KLHL7: variants seen among roughly 807,000 people sequenced by gnomAD.
KLHL7 encodes kelch-like protein 7.
KLHL7 carries 44 observed loss-of-function variants against 67.4 expected under a neutral mutation model. That is an observed-to-expected ratio of 0.65 (90% confidence interval 0.51 to 0.84). The LOEUF (loss-of-function observed/expected upper bound fraction) is 0.84. Among genes scored for constraint, KLHL7 ranks in the 40% least tolerant of loss-of-function variants. The pLI, the probability that KLHL7 is intolerant of heterozygous loss-of-function variation, is 0.00. For synonymous variants in KLHL7, 252 were observed against 243.3 expected, an observed-to-expected ratio of 1.04 and a Z score of -0.33; for missense variants, 362 against 718.1, an observed-to-expected ratio of 0.50 and a Z score of 5.67.
intron 1 of KLHL7, among the ~76,000 whole-genome samples, chr7:23,121,680 C>CTT (rs72158823): frequency 0.021 from 2,781 of 134,198 alleles, 82 homozygotes; most frequent in African/African-American, 0.065. Flanking sequence ...CAGTCCCATC[C>CTT]TTTTTTTTTT....
chr7:23,176,058 A>G lies in KLHL7; in HGVS notation c.*1760A>G, dbSNP rs1438296133. 1.3e-5 allele frequency: 2 copies of G among 152,154 alleles called. No homozygotes were observed. Among genetic ancestry groups the G allele is most frequent in the Non-Finnish European group, 2.9e-5 (2 of 68,104 alleles). The allele number at this position is 152,154 out of a possible 1,614,324, so 9.4% of individuals were successfully genotyped here. On this transcript the variant is annotated 3_prime_UTR_variant, in exon 11 of 11. Coordinates refer to ENST00000339077, the MANE Select transcript of KLHL7 (RefSeq NM_001031710.3). ...ATTTTAGAACATTTTCATCACCCCA[A>G]AAAGAAACCTTGTACTGATTAGCAA... is the stretch of plus-strand genomic sequence containing the variant.
In KLHL7 at chr7:23,143,956, T is replaced by A; in HGVS notation, c.724T>A (p.Phe242Ile). Residue 242 changes from phenylalanine (F) to isoleucine (I), a missense_variant, in exon 6 of 11, where the codon TTC becomes ATC. Phe to Ile is a conservative substitution (Grantham distance 21, BLOSUM62 0). Around this residue, in one of 5 missense-constraint regions of KLHL7, gnomAD observed 155 missense variants for 280.8 expected, o/e 0.55. Transcript: ENST00000339077. The part of the protein sequence containing the change: ...KVRFPLISKN[F>I]LSKTVQAEPL... ...CAGGTTTCCTCTTATATCAAAGAAT[T>A]TCTTAAGTAAAACGGTACAAGCTGA... The A allele has an allele frequency of 6.2e-7, 1 of 1,614,078 alleles. No homozygotes were observed. Among genetic ancestry groups the A allele is most frequent in the Non-Finnish European group, 8.5e-7 (1 of 1,179,936 alleles).
intron 8 of KLHL7, 124 bp downstream of exon 8, chr7:23,166,062 G>T (rs1000705434): frequency 1.7e-6 from 2 of 1,149,686 alleles, no homozygotes; most frequent in South Asian, 1.3e-5. Flanking sequence ...TTAAATATGT[G>T]TTTGTCACAT....
intron 1 of KLHL7, among the ~76,000 whole-genome samples, chr7:23,109,284 TA>T (rs1170627809): frequency 2.6e-5 from 4 of 152,232 alleles, no homozygotes; most frequent in Non-Finnish European, 4.4e-5. Flanking sequence ...CCTTTTCATT[TA>T]TTTCTTTAAC....
chr7:23,154,439 TCTG>T (rs1427401334), intron 7 of KLHL7, among the ~76,000 whole-genome samples: 1 of 152,204 alleles, frequency 6.6e-6, no homozygotes, highest in Non-Finnish European at 1.5e-5. Context: ...TTTGCCAACC[TCTG>T]CTCTAGACCT....
intron 9 of KLHL7, among the ~76,000 whole-genome samples, chr7:23,172,624 CTTCTT>C (rs1044877448): frequency 2.6e-5 from 4 of 152,216 alleles, no homozygotes; most frequent in African/African-American, 4.8e-5. Context: ...GCATCTTCCT[CTTCTT>C]TTTTGTTCCC....
At chr7:23,125,755 T>G in intron 4 of KLHL7, 1 of 1,488,818 alleles carries the variant, frequency 6.7e-7, no homozygotes, top group Non-Finnish European at 8.9e-7. Context: ...TTCTATTTTG[T>G]GATAGGAGAA....
intron 2 of KLHL7, among the ~76,000 whole-genome samples, chr7:23,124,292 G>A (rs912808504): frequency 2.0e-5 from 3 of 148,690 alleles, no homozygotes; most frequent in Non-Finnish European, 4.4e-5. Context: ...TATTTTAGCC[G>A]GCAAGTTAAA....
chr7:23,156,677 G>A (rs952741242), intron 7 of KLHL7, among the ~76,000 whole-genome samples: 3 of 152,294 alleles, frequency 2.0e-5, no homozygotes, highest in Admixed American at 6.5e-5. Flanking sequence ...GCAGGGCGAG[G>A]GCCAGAGCCT....
rs776208213 is a variant in KLHL7, at chr7:23,173,070, C to T, written c.1477+25C>T. On this transcript the variant is annotated intron_variant, in intron 10 of 10. Coordinates refer to ENST00000339077, the MANE Select transcript of KLHL7 (RefSeq NM_001031710.3). Reference sequence around the variant, plus strand: ...GGTATGTGATGTTAATTCACTGTTCCACTTTCCTGATGAGTTTGCTGATAC... The same window carrying T: ...GGTATGTGATGTTAATTCACTGTTCTACTTTCCTGATGAGTTTGCTGATAC... 3 of 1,535,102 alleles carry T rather than the reference C, an allele frequency of 2.0e-6. No individual in the cohort carries two copies. The East Asian group carries it at 6.8e-5, about 35-fold the overall frequency.
intron 7 of KLHL7, among the ~76,000 whole-genome samples, chr7:23,153,541 A>G (rs1362593080): frequency 6.6e-6 from 1 of 152,210 alleles, no homozygotes; most frequent in African/African-American, 2.4e-5. Flanking sequence ...GGTTAATGAC[A>G]TGGTCACCTG....
chr7:23,167,564 C>G (rs1583733027), intron 8 of KLHL7, among the ~76,000 whole-genome samples: 1 of 152,168 alleles, frequency 6.6e-6, no homozygotes, highest in Non-Finnish European at 1.5e-5. Flanking sequence ...TTTAATTTTT[C>G]TTTTGAAATC....
intron 4 of KLHL7, among the ~76,000 whole-genome samples, chr7:23,125,518 C>T (rs1005379223): frequency 1.3e-5 from 2 of 152,124 alleles, no homozygotes; most frequent in Non-Finnish European, 2.9e-5. Context: ...TAAGGTCTAT[C>T]ACAGATGAGG....
chr7:23,144,855 T>G (rs575898717), intron 6 of KLHL7, among the ~76,000 whole-genome samples: 29 of 151,544 alleles, frequency 1.9e-4, no homozygotes, highest in Non-Finnish European at 2.1e-4. Flanking sequence ...CACAGCATTT[T>G]GGTAGGTCAA....
intron 1 of KLHL7, among the ~76,000 whole-genome samples, chr7:23,121,383 C>T (rs542049315): frequency 2.0e-4 from 30 of 152,178 alleles, no homozygotes; most frequent in African/African-American, 6.5e-4. Context: ...ACCTCTGGGG[C>T]TCAAGTGATC....
At chr7:23,156,016 C>A (rs1257327680) in intron 7 of KLHL7, 6 of 466,940 alleles carry the variant, frequency 1.3e-5, no homozygotes, top group Non-Finnish European at 2.7e-5. Context: ...TATTCTTCTA[C>A]ACGAGCCTGG....
At chr7:23,151,087 A>C (rs1160199088) in intron 6 of KLHL7, among the ~76,000 whole-genome samples, 1 of 150,150 alleles carries the variant, frequency 6.7e-6, no homozygotes, top group Non-Finnish European at 1.5e-5. Context: ...CATATAGTTA[A>C]GTCTGAACAA....
chr7:23,161,089 T>C (rs1021074284), intron 7 of KLHL7, among the ~76,000 whole-genome samples: 3 of 152,196 alleles, frequency 2.0e-5, no homozygotes, highest in Non-Finnish European at 4.4e-5. Context: ...ATATTTTTGG[T>C]ACCATTCATT....
rs758278150 is a variant in KLHL7 at position 23,165,962 on chromosome 7, G to T, written c.1177+24G>T. The T allele has an allele frequency of 1.9e-6, 3 of 1,613,182 alleles. No individual in the cohort carries two copies. In the African/African-American group the frequency reaches 4.0e-5, roughly 22 times the overall value. On this transcript the variant is annotated intron_variant, in intron 8 of 10. Transcript: ENST00000339077. ...AGGTAAGGACTTCTTAAGTATTTTG[G>T]TTTGGGGCATATGCTTTAAAGCCAA... is the stretch of plus-strand genomic sequence containing the variant.
Sources: gnomAD v4.1 joint callset for allele counts (sites outside exome capture counted in the v4.1 genomes callset) on GRCh38, gnomAD v4.1.1 for gene constraint, gnomAD v4.1.1 regional missense constraint, MANE v1.5 for transcripts, NCBI Gene and HGNC (gene_info 2026-07-23, HGNC 2026-07-21) for gene names.